The following DYM variants were observed in gnomAD, a reference collection of about 807,000 sequenced individuals.
The protein encoded by DYM is dyggve-Melchior-Clausen syndrome protein.
DYM carries 78 observed loss-of-function variants against 93.1 expected under a neutral mutation model. The ratio of observed to expected loss-of-function variants is 0.84; its 90% CI spans 0.70 to 1.01. DYM has a LOEUF of 1.01. Among genes scored for constraint, DYM ranks in the 50% least tolerant of loss-of-function variants. The pLI, the probability that DYM is intolerant of heterozygous loss-of-function variation, is 0.00. For missense variants in DYM, 789 were observed against 845.0 expected, an observed-to-expected ratio of 0.93 and a Z score of 0.82; for synonymous variants, 321 against 319.7, an observed-to-expected ratio of 1.00 and a Z score of -0.04.
intron 8 of DYM, among the ~76,000 whole-genome samples, chr18:49,305,101 GC>G (rs1383408144): frequency 6.6e-6 from 1 of 151,840 alleles, no homozygotes; most frequent in African/African-American, 2.4e-5. Flanking sequence ...ATTGTCCATC[GC>G]CATCTCCATG....
Position 49,067,590 on chromosome 18 carries a change from C to G in DYM, c.2026-23386G>C, listed in dbSNP as rs181283480. ...GGCCCTCGTGGGAAACAAGCACAGG[C>G]TGAGGCTGGGAGCGTGCATGCCATG... is the stretch of plus-strand genomic sequence containing the variant. On this transcript the variant is annotated intron_variant, in intron 17 of 17. Transcript: ENST00000675505. Among the ~76,000 whole-genome samples the G allele has an allele frequency of 5.3e-3, 806 of 152,178 alleles. 4 individuals are homozygous for G. Among genetic ancestry groups the G allele is most frequent in the Non-Finnish European group, 7.4e-3 (504 of 67,992 alleles).
chr18:49,262,853 T>C (rs371180359), intron 11 of DYM, among the ~76,000 whole-genome samples: 17 of 151,026 alleles, frequency 1.1e-4, no homozygotes, highest in Admixed American at 2.0e-4. Context: ...TTAAAAAAAA[T>C]CCATTCCTCT....
chr18:49,205,284 G>T (rs1306235242), intron 14 of DYM, among the ~76,000 whole-genome samples: 1 of 152,072 alleles, frequency 6.6e-6, no homozygotes, highest in Non-Finnish European at 1.5e-5. Context: ...ATTTAAATAA[G>T]AACAAATGTA....
chr18:49,355,760 C>G (rs2065507911), intron 6 of DYM, among the ~76,000 whole-genome samples: 1 of 151,808 alleles, frequency 6.6e-6, no homozygotes, highest in African/African-American at 2.4e-5. Context: ...ACTTTCTGCT[C>G]AATTTTGTGG....
At chr18:49,202,406 G>A (rs945255047) in intron 14 of DYM, among the ~76,000 whole-genome samples, 3 of 149,550 alleles carry the variant, frequency 2.0e-5, no homozygotes, top group African/African-American at 7.4e-5. Flanking sequence ...GCCTCTGCCC[G>A]GCCGCCACCC....
At chr18:49,329,007 C>G (rs886845410) in intron 8 of DYM, among the ~76,000 whole-genome samples, 1 of 152,042 alleles carries the variant, frequency 6.6e-6, no homozygotes, top group Non-Finnish European at 1.5e-5. Flanking sequence ...GGCAACTATT[C>G]ACAATAGCAA....
chr18:49,061,590 T>C (rs2075988355), intron 17 of DYM, among the ~76,000 whole-genome samples: 1 of 152,138 alleles, frequency 6.6e-6, no homozygotes. Flanking sequence ...GTGGTCCCTC[T>C]GGATGGGAGG....
intron 15 of DYM, among the ~76,000 whole-genome samples, chr18:49,123,997 G>A (rs2082601983): frequency 6.6e-6 from 1 of 152,184 alleles, no homozygotes; most frequent in Admixed American, 6.5e-5. Flanking sequence ...AAGTATAAGT[G>A]CTGATATATG....
intron 14 of DYM, among the ~76,000 whole-genome samples, chr18:49,203,971 T>A (rs1469119312): frequency 6.8e-6 from 1 of 146,802 alleles, no homozygotes; most frequent in Non-Finnish European, 1.5e-5. Context: ...GAAGTAAACT[T>A]CCATTTGCTT....
chr18:49,203,887 A>C (rs1194571323), intron 14 of DYM, among the ~76,000 whole-genome samples: 3 of 142,220 alleles, frequency 2.1e-5, no homozygotes, highest in African/African-American at 7.6e-5. Context: ...AAAAAAAAAA[A>C]AAAAAAAAAA....
In DYM at chr18:49,331,893, A is replaced by C; in HGVS notation, c.734T>G (p.Leu245Arg). 1 of 1,614,134 alleles carries C rather than the reference A, an allele frequency of 6.2e-7. No individual in the cohort carries two copies. The highest frequency in any genetic ancestry group is 8.5e-7 in the Non-Finnish European group (1 of 1,180,016). ...TACTCCTGATGCAAGTCCATAAAGC[A>C]GTCCTCCCCCATCCGACTGCTGAGG... ...VFPQQSDGGG[L>R]LYGLASGVAT... is the part of the protein sequence containing the mutation. The change falls in exon 8 of 18, where the codon CTG becomes CGG. Residue 245 changes from leucine (L) to arginine (R), a missense_variant. By Grantham distance (102) the Leu-to-Arg change is moderately radical. Transcript: ENST00000675505.
intron 1 of DYM, among the ~76,000 whole-genome samples, chr18:49,460,137 C>T (rs958932368): frequency 1.3e-5 from 2 of 152,220 alleles, no homozygotes; most frequent in Non-Finnish European, 2.9e-5. Context: ...ACCAACACCG[C>T]CCCATCTCCG....
chr18:49,207,986 T>A (rs1276400143), intron 14 of DYM, among the ~76,000 whole-genome samples: 3 of 151,850 alleles, frequency 2.0e-5, no homozygotes, highest in Admixed American at 6.6e-5. Context: ...AGTTCAAGAC[T>A]AGCCTGGCCA....
intron 14 of DYM, among the ~76,000 whole-genome samples, chr18:49,181,795 A>AT (rs988704546): frequency 3.3e-5 from 5 of 152,050 alleles, no homozygotes; most frequent in African/African-American, 1.2e-4. Flanking sequence ...TATCTACTGC[A>AT]TTTGTTTTCT....
At chr18:49,163,824 A>T in intron 14 of DYM, 37 bp from the exon 15 acceptor site, 1 of 1,342,818 alleles carries the variant, frequency 7.4e-7, no homozygotes, top group Non-Finnish European at 1.1e-6. Context: ...ATATTAAAGG[A>T]ACTGTTTTCT....
At chr18:49,403,097 T>A (rs1053415365) in intron 2 of DYM, among the ~76,000 whole-genome samples, 1 of 152,132 alleles carries the variant, frequency 6.6e-6, no homozygotes, top group Non-Finnish European at 1.5e-5. Flanking sequence ...AGAAAACCCA[T>A]AAGTATTGAA....
At chr18:49,048,218 A>C (rs1193474656) in intron 17 of DYM, 1 of 152,192 alleles carries the variant, frequency 6.6e-6, no homozygotes, top group Non-Finnish European at 1.5e-5. Context: ...TAATCACGAG[A>C]GGACTGTGGT....
At position 49,152,027 on chromosome 18, in the gene DYM, G is replaced by A. The variant is rs186105796; in HGVS notation, c.1728+11658C>T. On this transcript the variant is annotated intron_variant, in intron 15 of 17. Transcript: ENST00000675505. ...ACTGGTTTTTAGAAATCTATCACAC[G>A]TTACTACTGAATATGCATGGGTTAT... 5.9e-5 allele frequency among the ~76,000 whole-genome samples: 9 copies of A among 152,206 alleles called. No individual in the cohort carries two copies. In the East Asian group the frequency reaches 7.7e-4, roughly 13 times the overall value.
chr18:49,075,719 G>A (rs1290316050), intron 17 of DYM, among the ~76,000 whole-genome samples: 1 of 152,184 alleles, frequency 6.6e-6, no homozygotes, highest in African/African-American at 2.4e-5. Flanking sequence ...ATTTACTACT[G>A]TGAGTCTTGG....
Sources: gnomAD v4.1 joint callset for allele counts (sites outside exome capture counted in the v4.1 genomes callset) on GRCh38, gnomAD v4.1.1 for gene constraint, MANE v1.5 for transcripts, NCBI Gene and HGNC (gene_info 2026-07-23, HGNC 2026-07-21) for gene names.